The following CNTNAP2 variants were observed in gnomAD, a reference collection of about 807,000 sequenced individuals.
The protein encoded by CNTNAP2 is contactin-associated protein-like 2.
Under a neutral mutation model 155.2 loss-of-function variants are expected in CNTNAP2, and 98 were observed. That is an observed-to-expected ratio of 0.63 (90% CI 0.54 to 0.75). The LOEUF is 0.75. Among genes scored for constraint, CNTNAP2 ranks in the 30% least tolerant of loss-of-function variants. The probability of loss-of-function intolerance (pLI) is 0.00; values close to 1 mark genes in which losing one functional copy is unlikely to be tolerated. For synonymous variants in CNTNAP2, 651 were observed against 631.2 expected, an observed-to-expected ratio of 1.03 and a Z score of -0.47; for missense variants, 1,727 against 1,688.1, an observed-to-expected ratio of 1.02 and a Z score of -0.40.
intron 5 of CNTNAP2, among the ~76,000 whole-genome samples, chr7:147,116,772 G>T (rs1238607776): frequency 6.6e-6 from 1 of 151,538 alleles, no homozygotes; most frequent in Admixed American, 6.6e-5. Flanking sequence ...TGTGGTTGGA[G>T]GGCCCCAGCT....
chr7:146,726,989 C>T lies in CNTNAP2; in HGVS notation c.98-47282C>T, dbSNP rs183624940. 2.6e-4 allele frequency among the ~76,000 whole-genome samples: 40 copies of T among 151,744 alleles called. 1 individual carries two copies. The South Asian group carries it at 7.3e-3, about 28-fold the overall frequency. On this transcript the variant is annotated intron_variant, in intron 1 of 23. Transcript: ENST00000361727. ...TGGTTTTCCTTTTGTTTTTTCTTGT[C>T]GGGGAATTATAGGGATAAGGAAGAG...
intron 13 of CNTNAP2, among the ~76,000 whole-genome samples, chr7:147,850,878 T>C (rs564677623): frequency 1.2e-3 from 177 of 152,206 alleles, no homozygotes; most frequent in African/African-American, 4.0e-3. Flanking sequence ...ACTTCATGTC[T>C]AAAACACCAA....
At chr7:147,462,786 T>C (rs1798047054) in intron 10 of CNTNAP2, among the ~76,000 whole-genome samples, 2 of 152,114 alleles carry the variant, frequency 1.3e-5, no homozygotes, top group South Asian at 4.1e-4. Context: ...TGTTTGTTTG[T>C]TGGTTTTTTT....
At chr7:146,421,885 A>T (rs1244135570) in intron 1 of CNTNAP2, among the ~76,000 whole-genome samples, 1 of 128,040 alleles carries the variant, frequency 7.8e-6, no homozygotes, top group Non-Finnish European at 1.6e-5. Flanking sequence ...ATATAAACAA[A>T]TATAGACAGA....
chr7:147,228,916 C>T (rs1283775296), intron 8 of CNTNAP2, among the ~76,000 whole-genome samples: 1 of 151,834 alleles, frequency 6.6e-6, no homozygotes, highest in Non-Finnish European at 1.5e-5. Context: ...GTTTGGGTTT[C>T]TGTTCTTGTG....
intron 14 of CNTNAP2, among the ~76,000 whole-genome samples, chr7:147,949,202 AAAAAAAGAAAAG>A (rs1033511378): frequency 9.2e-5 from 14 of 152,156 alleles, no homozygotes; most frequent in African/African-American, 3.4e-4. Flanking sequence ...CTCCGTCTAA[AAAAAAAGAAAAG>A]AAAAAAGAAA....
chr7:147,664,031 C>T (rs1795657731), intron 13 of CNTNAP2, among the ~76,000 whole-genome samples: 1 of 152,182 alleles, frequency 6.6e-6, no homozygotes, highest in Non-Finnish European at 1.5e-5. Context: ...AACCACAAGA[C>T]ATTAACAGAG....
chr7:147,597,598 C>T (rs1800848853), intron 12 of CNTNAP2, among the ~76,000 whole-genome samples: 1 of 152,116 alleles, frequency 6.6e-6, no homozygotes, highest in African/African-American at 2.4e-5. Context: ...TGGTAAGCAG[C>T]TTATTGAATG....
At chr7:147,933,543 A>AGATAGATG (rs1800549562) in intron 14 of CNTNAP2, among the ~76,000 whole-genome samples, 1 of 95,196 alleles carries the variant, frequency 1.1e-5, no homozygotes, top group African/African-American at 2.8e-5. Context: ...ATAGATAGAT[A>AGATAGATG]TAACAGAATA....
At chr7:147,933,886 A>G (rs1800556660) in intron 14 of CNTNAP2, among the ~76,000 whole-genome samples, 1 of 152,106 alleles carries the variant, frequency 6.6e-6, no homozygotes, top group Non-Finnish European at 1.5e-5. Flanking sequence ...AAAGAAAAAG[A>G]AAAAGGAGTC....
chr7:147,878,004 C>T (rs1799452088), intron 13 of CNTNAP2, among the ~76,000 whole-genome samples: 1 of 152,118 alleles, frequency 6.6e-6, no homozygotes, highest in Non-Finnish European at 1.5e-5. Flanking sequence ...TGATGGTTTC[C>T]AACACTGAGT....
chr7:147,489,218 C>T (rs1021116021), intron 11 of CNTNAP2, among the ~76,000 whole-genome samples: 20 of 152,184 alleles, frequency 1.3e-4, no homozygotes, highest in African/African-American at 3.9e-4. Flanking sequence ...TTTGTTTTTA[C>T]GTAAATTATA....
Position 148,000,998 on chromosome 7 carries a change from A to G in CNTNAP2, c.2383+23009A>G, listed in dbSNP as rs192566458. ...AACTCCCAACTCTGCCTGTCTCCAC[A>G]AGGATTTCATTGTGTGTTCAAGTGT... On this transcript the variant is annotated intron_variant, in intron 15 of 23. Coordinates refer to ENST00000361727, the MANE Select transcript of CNTNAP2 (RefSeq NM_014141.6). Among the ~76,000 whole-genome samples, 11 of 152,276 alleles carry G rather than the reference A, an allele frequency of 7.2e-5. No homozygotes were observed. In the East Asian group the frequency reaches 2.1e-3, roughly 29 times the overall value.
intron 13 of CNTNAP2, among the ~76,000 whole-genome samples, chr7:147,658,305 C>CACAAACCT (rs1186935891): frequency 6.6e-6 from 1 of 151,730 alleles, no homozygotes; most frequent in Non-Finnish European, 1.5e-5. Flanking sequence ...ATGAATTTTC[C>CACAAACCT]ACAAACCTAA....
At chr7:147,921,267 G>A (rs1377108566) in intron 14 of CNTNAP2, among the ~76,000 whole-genome samples, 2 of 152,208 alleles carry the variant, frequency 1.3e-5, no homozygotes, top group Non-Finnish European at 2.9e-5. Context: ...TTTGCCTGCT[G>A]TCCACACCGT....
intron 1 of CNTNAP2, 156 bp downstream of exon 1, chr7:146,117,129 C>T: frequency 1.5e-6 from 1 of 645,344 alleles, no homozygotes; most frequent in Non-Finnish European, 2.7e-6. Context: ...AGTAGACAAA[C>T]TCGAAACCCA....
rs1491570828 is a variant in CNTNAP2, at chr7:148,365,799, C to CACGTATACATGT, written c.3476-17849_3476-17848insCGTATACATGTA. Among the ~76,000 whole-genome samples, 2 of 37,550 alleles carry CACGTATACATGT rather than the reference C, an allele frequency of 5.3e-5. 1 individual carries two copies. The highest frequency in any genetic ancestry group is 2.5e-4 in the African/African-American group (2 of 8,022). 24.6% of individuals were successfully genotyped at this position (37,550 alleles called of 152,430 possible). On this transcript the variant is annotated intron_variant, in intron 21 of 23. Transcript: ENST00000361727. ...ATGTATGTGTATGCATGTATACATG[C>CACGTATACATGT]ATGTGTATGCATGTATACATGCATG...
At chr7:146,396,410 G>T (rs1795627726) in intron 1 of CNTNAP2, among the ~76,000 whole-genome samples, 1 of 151,792 alleles carries the variant, frequency 6.6e-6, no homozygotes, top group Non-Finnish European at 1.5e-5. Context: ...GAATCTTATG[G>T]TTTTTATTTT....
At chr7:147,262,484 C>T (rs1181016866) in intron 8 of CNTNAP2, among the ~76,000 whole-genome samples, 2 of 152,104 alleles carry the variant, frequency 1.3e-5, no homozygotes, top group African/African-American at 4.8e-5. Flanking sequence ...GACACAGACA[C>T]ACACAGAGGG....
Sources: allele counts gnomAD v4.1 joint callset (sites outside exome capture counted in the v4.1 genomes callset), GRCh38; gene constraint gnomAD v4.1.1; transcripts MANE v1.5; gene names NCBI Gene and HGNC (gene_info 2026-07-23, HGNC 2026-07-21).